ASAH2: variants seen among roughly 807,000 people sequenced by gnomAD.
The protein encoded by ASAH2 is neutral ceramidase.
A neutral mutation model predicts 82.9 loss-of-function variants in ASAH2; 58 were observed. The observed-to-expected ratio is 0.70, with a 90% CI of 0.57 to 0.87. The LOEUF (loss-of-function observed/expected upper bound fraction) is 0.87. ASAH2 is among the 40% of genes least tolerant of loss of function. The pLI, the probability that ASAH2 is intolerant of heterozygous loss-of-function variation, is 0.00. For synonymous variants in ASAH2, 276 were observed against 289.7 expected, an observed-to-expected ratio of 0.95 and a Z score of 0.48; for missense variants, 779 against 834.0, an observed-to-expected ratio of 0.93 and a Z score of 0.81.
Position 50,248,606 on chromosome 10 carries a change from G to A in ASAH2, c.5C>T (p.Ala2Val). The A allele has an allele frequency of 1.2e-6, 2 of 1,613,224 alleles. No individual in the cohort carries two copies. Among genetic ancestry groups the A allele is most frequent in the Non-Finnish European group, 1.7e-6 (2 of 1,179,518 alleles). Residue 2 changes from alanine to valine, a missense_variant, in exon 2 of 21, where the codon GCC becomes GTC. This residue lies in a region of ASAH2 where 759 missense variants were observed against 755.2 expected (regional missense o/e 1.00). Transcript: ENST00000682911. The part of the protein sequence containing the change: M[A>V]KRTFSNLETF... ...CTCCAAGTTAGAGAAGGTGCGTTTG[G>A]CCATTTCTTCTCAGGTACAGCAGAG...
intron 7 of ASAH2, among the ~76,000 whole-genome samples, chr10:50,222,337 G>A (rs1354953863): frequency 4.6e-5 from 7 of 151,940 alleles, no homozygotes; most frequent in African/African-American, 1.7e-4. Flanking sequence ...GGAGTGCAGT[G>A]GTGCAATCAT....
At chr10:50,234,389 G>A in intron 6 of ASAH2, 36 bp downstream of exon 6, 1 of 1,612,460 alleles carries the variant, frequency 6.2e-7, no homozygotes, top group Non-Finnish European at 8.5e-7. Flanking sequence ...TCCCTAAAGG[G>A]AATGAAACGA....
Position 50,202,869 on chromosome 10 carries a change from T to C in ASAH2, c.1721A>G (p.Asn574Ser). The change falls in exon 16 of 21, where the codon AAC becomes AGC. Residue 574 changes from asparagine to serine, a missense_variant. This residue lies in a region of ASAH2 where 759 missense variants were observed against 755.2 expected (regional missense o/e 1.00). Transcript: ENST00000682911. ...AGTGGTAATGTAATGTGTATAGACGTTGCATAGACCTGAAATAACAACAGT... is the reference window on the plus strand; with the variant it reads ...AGTGGTAATGTAATGTGTATAGACGCTGCATAGACCTGAAATAACAACAGT... Reference protein sequence around the residue: ...NMTVVISGLCNVYTHYITTYE... With the variant: ...NMTVVISGLCSVYTHYITTYE... 1.2e-6 allele frequency: 2 copies of C among 1,612,224 alleles called. No individual in the cohort carries two copies. The highest frequency in any genetic ancestry group is 3.3e-5 in the Admixed American group (2 of 59,894).
In ASAH2 at chr10:50,204,846, A is replaced by C; in HGVS notation, c.1625+15T>G. On this transcript the variant is annotated intron_variant, in intron 14 of 20. Coordinates refer to ENST00000682911, the MANE Select transcript of ASAH2 (RefSeq NM_019893.4). ...CAAACACATTTTTAACTAAGTAATA[A>C]AAAGAAAAACTTACGTAAACTCCCC... 6.3e-7 allele frequency: 1 copy of C among 1,575,346 alleles called. No homozygotes were observed. The highest frequency in any genetic ancestry group is 1.1e-5 in the South Asian group (1 of 88,354).
At chr10:50,226,957 T>C (rs2133219553) in intron 7 of ASAH2, among the ~76,000 whole-genome samples, 1 of 152,162 alleles carries the variant, frequency 6.6e-6, no homozygotes, top group South Asian at 2.1e-4. Flanking sequence ...GCCATTTAAA[T>C]ATATATTTTA....
At chr10:50,211,846 T>G (rs1845461175) in intron 10 of ASAH2, among the ~76,000 whole-genome samples, 1 of 152,114 alleles carries the variant, frequency 6.6e-6, no homozygotes. Flanking sequence ...CTCTCATAAG[T>G]CATCAGCAAG....
intron 12 of ASAH2, among the ~76,000 whole-genome samples, chr10:50,209,644 T>C (rs950691834): frequency 1.3e-5 from 2 of 152,032 alleles, no homozygotes; most frequent in African/African-American, 4.8e-5. Context: ...ACACATCTGA[T>C]AAGGGAACGT....
intron 12 of ASAH2, among the ~76,000 whole-genome samples, 155 bp downstream of exon 12, chr10:50,210,668 C>T (rs1045681142): frequency 7.9e-5 from 12 of 152,020 alleles, no homozygotes; most frequent in African/African-American, 2.2e-4. Context: ...CTGGGGGCAG[C>T]GGGTGCGGTA....
rs752280681 is a variant in ASAH2, at chr10:50,211,068, T to C, written c.1294A>G (p.Met432Val). 1 of 1,613,812 alleles carries C rather than the reference T, an allele frequency of 6.2e-7. No individual in the cohort carries two copies. The highest frequency in any genetic ancestry group is 1.3e-5 in the African/African-American group (1 of 75,042). ...PLASAHQWVD[M>V]TDVTVWLNST... ...TTGAGCCAGACAGTCACATCTGTCA[T>C]ATCCACCCACTGGTGTGCTGAAGCC... Residue 432 changes from methionine to valine, a missense_variant, in exon 11 of 21, where the codon ATG becomes GTG. Physicochemically the swap from Met to Val is conservative, Grantham distance 21. Coordinates refer to ENST00000682911, the MANE Select transcript of ASAH2 (RefSeq NM_019893.4).
chr10:50,218,655 A>G (rs1845671170), intron 7 of ASAH2, 25 bp from the exon 8 acceptor site: 1 of 1,613,566 alleles, frequency 6.2e-7, no homozygotes, highest in Admixed American at 1.7e-5. Context: ...GAAGCTCTAA[A>G]TTAATCAGGA....
chr10:50,239,644 G>C (rs1197938987), intron 4 of ASAH2, among the ~76,000 whole-genome samples: 2 of 151,952 alleles, frequency 1.3e-5, no homozygotes, highest in African/African-American at 4.8e-5. Flanking sequence ...TAAGTTACTT[G>C]GCCCTCTGCA....
rs1379645400 is a variant in ASAH2, at chr10:50,203,674, A to C, written c.1631T>G (p.Met544Arg). The change falls in exon 15 of 21, where the codon ATG becomes AGG. Residue 544 changes from methionine (M) to arginine (R), a missense_variant. Physicochemically the swap from Met to Arg is moderately conservative, Grantham distance 91. This residue lies in a region of ASAH2 where 759 missense variants were observed against 755.2 expected (regional missense o/e 1.00). Coordinates refer to ENST00000682911, the MANE Select transcript of ASAH2 (RefSeq NM_019893.4). Reference sequence around the variant, plus strand: ...TGCCTCTCGAAGTCTTCGTCCAGACATGGTCCTGAGTCAAGAAAAAAATTA... The same window carrying C: ...TGCCTCTCGAAGTCTTCGTCCAGACCTGGTCCTGAGTCAAGAAAAAAATTA... ...ITAIPGEFTT[M>R]SGRRLREAVQ... is the part of the protein sequence containing the mutation. 2 of 1,612,548 alleles carry C rather than the reference A, an allele frequency of 1.2e-6. No homozygotes were observed. Among genetic ancestry groups the C allele is most frequent in the Middle Eastern group, 1.7e-4 (1 of 6,044 alleles).
At chr10:50,214,373 C>G (rs1016706191) in intron 9 of ASAH2, among the ~76,000 whole-genome samples, 11 of 152,130 alleles carry the variant, frequency 7.2e-5, no homozygotes, top group Admixed American at 5.2e-4. Context: ...TATTAAAAAC[C>G]CTATAAACTT....
intron 16 of ASAH2, among the ~76,000 whole-genome samples, chr10:50,200,545 C>A (rs1333994801): frequency 9.2e-5 from 14 of 152,076 alleles, no homozygotes; most frequent in East Asian, 1.9e-4. Flanking sequence ...CAGTCCCAGT[C>A]CTCAAATACC....
At chr10:50,220,002 A>G (rs1463160261) in intron 7 of ASAH2, among the ~76,000 whole-genome samples, 2 of 152,212 alleles carry the variant, frequency 1.3e-5, no homozygotes, top group South Asian at 4.1e-4. Context: ...TATCAACTTT[A>G]AAATTCTTCA....
At chr10:50,195,159 T>C (rs1844943619) in intron 18 of ASAH2, among the ~76,000 whole-genome samples, 1 of 151,436 alleles carries the variant, frequency 6.6e-6, no homozygotes, top group African/African-American at 2.4e-5. Context: ...AAAGAGTTAA[T>C]ATCCAAAAGA....
Position 50,199,045 on chromosome 10 carries a change from G to A in ASAH2, c.1857+6C>T, listed in dbSNP as rs1267940258. 15 of 1,612,804 alleles carry A rather than the reference G, an allele frequency of 9.3e-6. No individual in the cohort carries two copies. The highest frequency in any genetic ancestry group is 1.3e-5 in the Non-Finnish European group (15 of 1,179,272). Reference sequence around the variant, plus strand: ...GCGCATGCACGCACAAACAATATTTGATTACCGTAGCAATAGCCTTAGCAA... The same window carrying A: ...GCGCATGCACGCACAAACAATATTTAATTACCGTAGCAATAGCCTTAGCAA... On this transcript the variant is annotated splice_donor_region_variant and intron_variant, in intron 17 of 20. Transcript: ENST00000682911.
intron 4 of ASAH2, among the ~76,000 whole-genome samples, chr10:50,237,943 C>T (rs1441610871): frequency 6.6e-6 from 1 of 151,932 alleles, no homozygotes; most frequent in Non-Finnish European, 1.5e-5. Context: ...TACACACAAA[C>T]ATTAATCAAA....
At chr10:50,242,262 CA>C (rs1456310400) in intron 4 of ASAH2, among the ~76,000 whole-genome samples, 1 of 152,116 alleles carries the variant, frequency 6.6e-6, no homozygotes, top group Non-Finnish European at 1.5e-5. Context: ...GGATGCTTCC[CA>C]CATGTGATGA....
Sources: allele counts gnomAD v4.1 joint callset (sites outside exome capture counted in the v4.1 genomes callset), GRCh38; gene constraint gnomAD v4.1.1; regional missense constraint gnomAD v4.1.1; transcripts MANE v1.5; gene names NCBI Gene and HGNC (gene_info 2026-07-23, HGNC 2026-07-21).